TMEM181: variants seen among roughly 807,000 people sequenced by gnomAD.
TMEM181 encodes the protein G protein-coupled receptor 178.
In TMEM181, 39 loss-of-function variants were observed where a neutral mutation model predicts 71.9. That is an observed-to-expected ratio of 0.54 (90% CI 0.42 to 0.71). The LOEUF is 0.71. TMEM181 is among the 30% of genes least tolerant of loss of function. TMEM181 has a pLI of 0.00. For synonymous variants in TMEM181, 245 were observed against 228.8 expected, an observed-to-expected ratio of 1.07 and a Z score of -0.64; for missense variants, 595 against 583.0, an observed-to-expected ratio of 1.02 and a Z score of -0.21.
At chr6:158,556,527 G>A (rs1582933420), upstream of TMEM181, among the ~76,000 whole-genome samples, 1 of 152,182 alleles carries the variant, frequency 6.6e-6, no homozygotes, top group Admixed American at 6.5e-5. Flanking sequence ...CAATGGGGAG[G>A]ATTACATAAT....
intron 1 of TMEM181, among the ~76,000 whole-genome samples, chr6:158,563,811 G>A (rs758611989): frequency 1.3e-5 from 2 of 152,004 alleles, no homozygotes; most frequent in African/African-American, 2.4e-5. Context: ...ATAGCTTTGC[G>A]AACTCTGTTG....
chr6:158,560,167 C>T lies in TMEM181; in HGVS notation c.-58C>T, dbSNP rs1405362650. The T allele has an allele frequency of 4.1e-6, 4 of 984,814 alleles. No individual in the cohort carries two copies. Among genetic ancestry groups the T allele is most frequent in the Admixed American group, 1.2e-4 (2 of 16,206 alleles). The allele number at this position is 984,814 out of a possible 1,614,324, so 61.0% of individuals were successfully genotyped here. A position where few individuals can be genotyped will look rare whatever the true frequency, so the allele number is the denominator to read the frequency against. On this transcript the variant is annotated 5_prime_UTR_variant, in exon 1 of 17. Transcript: ENST00000684151. Reference sequence around the variant, plus strand: ...GCGGCTGCCGCTGCCGAGGCTGCTGCGCGGCGCCTGGCGGGCTCGGGACGC... The same window carrying T: ...GCGGCTGCCGCTGCCGAGGCTGCTGTGCGGCGCCTGGCGGGCTCGGGACGC...
At position 158,620,425 on chromosome 6, in the gene TMEM181, T is replaced by C. The variant is rs1194714065; in HGVS notation, c.897-3125T>C. ...AGGCAGATCTTACCAGTCAGCTGAA[T>C]TAGTGTCTGATGTTGGATGTTCCAG... On this transcript the variant is annotated intron_variant, in intron 10 of 16. Coordinates refer to ENST00000684151, the MANE Select transcript of TMEM181 (RefSeq NM_001376852.1). The surrounding 1 kb of genome is among the most constrained non-coding windows in gnomAD (Gnocchi z 4.5). 6.6e-6 allele frequency among the ~76,000 whole-genome samples: 1 copy of C among 151,990 alleles called. No individual in the cohort carries two copies. Among genetic ancestry groups the C allele is most frequent in the African/African-American group, 2.4e-5 (1 of 41,342 alleles).
chr6:158,605,516 G>A (rs886317722), intron 7 of TMEM181, among the ~76,000 whole-genome samples, 169 bp downstream of exon 7: 2 of 152,140 alleles, frequency 1.3e-5, no homozygotes, highest in African/African-American at 4.8e-5. Context: ...AGATGCTGCC[G>A]TGCAAGAAAA....
chr6:158,615,258 A>C (rs1012818107), intron 10 of TMEM181, among the ~76,000 whole-genome samples: 3 of 152,096 alleles, frequency 2.0e-5, no homozygotes, highest in Non-Finnish European at 4.4e-5. Context: ...GCATTTTTTC[A>C]TGTGTCTTTT....
At chr6:158,572,934 G>A (rs1284980979) in intron 1 of TMEM181, among the ~76,000 whole-genome samples, 3 of 151,922 alleles carry the variant, frequency 2.0e-5, no homozygotes, top group African/African-American at 7.2e-5. Flanking sequence ...TTGTGGGAAT[G>A]GCAGAGGGAG....
At chr6:158,555,939 A>G (rs1439477903), upstream of TMEM181, among the ~76,000 whole-genome samples, 1 of 152,244 alleles carries the variant, frequency 6.6e-6, no homozygotes, top group Non-Finnish European at 1.5e-5. Context: ...CTAAACCAAA[A>G]TCAGTGTAGT....
intron 1 of TMEM181, among the ~76,000 whole-genome samples, chr6:158,545,876 A>G (rs770014032): frequency 9.3e-4 from 142 of 152,070 alleles, no homozygotes; most frequent in Non-Finnish European, 3.7e-4. Flanking sequence ...ATGGCTAGGA[A>G]AGTGCCCTCT....
At chr6:158,575,413 C>T (rs545119528) in intron 2 of TMEM181, among the ~76,000 whole-genome samples, 22 of 152,114 alleles carry the variant, frequency 1.4e-4, no homozygotes, top group African/African-American at 4.1e-4. Context: ...ACTGCAACCT[C>T]TTCCTCCCCA....
intron 10 of TMEM181, among the ~76,000 whole-genome samples, chr6:158,612,680 A>AGAAGCAACATTTCATTG (rs1785401015): frequency 1.3e-5 from 2 of 152,370 alleles, no homozygotes; most frequent in South Asian, 4.1e-4. Context: ...TGGTTGAGAT[A>AGAAGCAACATTTCATTG]GAAGCAACAT....
At chr6:158,609,784 C>T (rs757454738) in intron 10 of TMEM181, 1 of 244,188 alleles carries the variant, frequency 4.1e-6, no homozygotes, top group Non-Finnish European at 8.9e-6. Flanking sequence ...CTCTGGCAGT[C>T]TCCAGGACTG....
intron 12 of TMEM181, 141 bp from the exon 13 acceptor site, chr6:158,625,562 G>A (rs540149884): frequency 1.4e-6 from 1 of 736,208 alleles, no homozygotes; most frequent in Non-Finnish European, 2.2e-6. Context: ...CGTTCTCCTA[G>A]GCTGCTGGCG....
chr6:158,628,684 C>T (rs749121164), intron 14 of TMEM181, among the ~76,000 whole-genome samples, 194 bp downstream of exon 14: 1 of 152,224 alleles, frequency 6.6e-6, no homozygotes, highest in Non-Finnish European at 1.5e-5. Context: ...TGTCCCTCCT[C>T]TGTACACAGG....
intron 10 of TMEM181, among the ~76,000 whole-genome samples, chr6:158,612,604 T>G (rs905009437): frequency 6.6e-6 from 1 of 152,268 alleles, no homozygotes; most frequent in Admixed American, 6.5e-5. Context: ...TTGGTTGTTT[T>G]GGTATTCGCT....
rs1440689715 is a variant in TMEM181, at chr6:158,536,828, G to T, written c.94G>T (p.Glu32Ter). ...GCGGGAAGCGTACCGCGAGCTCAAGGAGGACCTCACGCCCTTCAAGGATGA... is the reference window on the plus strand; with the variant it reads ...GCGGGAAGCGTACCGCGAGCTCAAGTAGGACCTCACGCCCTTCAAGGATGA... The change falls in exon 1 of 17, where the codon GAG becomes TAG. Residue 32 changes from glutamate to a stop codon, truncating the protein, a stop_gained. Transcript: ENST00000367090. LOFTEE classifies it high-confidence loss of function. The T allele has an allele frequency of 1.3e-5, 20 of 1,551,320 alleles. No individual in the cohort carries two copies. Among genetic ancestry groups the T allele is most frequent in the Non-Finnish European group, 1.7e-5 (20 of 1,155,082 alleles).
intron 1 of TMEM181, among the ~76,000 whole-genome samples, chr6:158,537,982 T>A (rs1781189499): frequency 6.6e-6 from 1 of 152,128 alleles, no homozygotes; most frequent in Admixed American, 6.6e-5. Flanking sequence ...TAAAAAATCA[T>A]GTGATGTAGC....
chr6:158,628,337 G>T, intron 13 of TMEM181, 71 bp from the exon 14 acceptor site: 1 of 1,447,530 alleles, frequency 6.9e-7, no homozygotes, highest in East Asian at 2.3e-5. Context: ...GGGGTGAATA[G>T]AGAATTCTCT....
At chr6:158,581,065 TC>T (rs1289770209) in intron 3 of TMEM181, 70 bp downstream of exon 3, 4 of 1,470,732 alleles carry the variant, frequency 2.7e-6, no homozygotes, top group Non-Finnish European at 3.8e-6. Context: ...GAGAAATGGT[TC>T]CGCTTAGAGT....
At chr6:158,578,926 C>T (rs1323364979) in intron 2 of TMEM181, among the ~76,000 whole-genome samples, 1 of 152,200 alleles carries the variant, frequency 6.6e-6, no homozygotes, top group Non-Finnish European at 1.5e-5. Flanking sequence ...CCACATGATC[C>T]AGCAATTTCA....
Sources: allele counts gnomAD v4.1 joint callset (sites outside exome capture counted in the v4.1 genomes callset), GRCh38; gene constraint gnomAD v4.1.1; non-coding constraint Gnocchi (gnomAD v3.1); transcripts MANE v1.5; gene names NCBI Gene and HGNC (gene_info 2026-07-23, HGNC 2026-07-21).